EPB41L3: variants seen among roughly 807,000 people sequenced by gnomAD.
EPB41L3 encodes the protein erythrocyte membrane protein band 4.1 like 3.
A neutral mutation model predicts 127.1 loss-of-function variants in EPB41L3; 57 were observed. The observed-to-expected ratio is 0.45, with a 90% CI of 0.36 to 0.56. The LOEUF (loss-of-function observed/expected upper bound fraction) is 0.56. EPB41L3 is among the 20% of genes least tolerant of loss of function. The probability of loss-of-function intolerance (pLI) is 0.00; values close to 1 mark genes in which losing one functional copy is unlikely to be tolerated. For missense variants in EPB41L3, 1,273 were observed against 1,372.2 expected (o/e 0.93, Z 1.14); for synonymous variants, 572 against 549.5 (o/e 1.04, Z -0.57).
intron 3 of EPB41L3, among the ~76,000 whole-genome samples, chr18:5,475,731 T>C (rs568307832): frequency 4.9e-4 from 75 of 152,362 alleles, no homozygotes; most frequent in African/African-American, 1.7e-3. Flanking sequence ...AAATGTTAGC[T>C]TTCCTGCTTT....
intron 3 of EPB41L3, chr18:5,610,293 T>C (rs1481039611): frequency 1.0e-6 from 1 of 985,262 alleles, no homozygotes; most frequent in Non-Finnish European, 1.2e-6. Context: ...GATGCTACCT[T>C]ATCCCATTCT....
intron 2 of EPB41L3, among the ~76,000 whole-genome samples, chr18:5,482,781 G>T (rs1305283367): frequency 6.6e-6 from 1 of 152,044 alleles, no homozygotes; most frequent in Non-Finnish European, 1.5e-5. Context: ...ATATAAAGGA[G>T]AGATCAAATC....
At chr18:5,454,212 T>G (rs1181098685) in intron 3 of EPB41L3, among the ~76,000 whole-genome samples, 3 of 149,852 alleles carry the variant, frequency 2.0e-5, no homozygotes, top group Non-Finnish European at 4.5e-5. Context: ...TTTCCTTGTT[T>G]TTTTTTTTTT....
intron 3 of EPB41L3, among the ~76,000 whole-genome samples, chr18:5,585,816 G>C (rs2094436923): frequency 6.6e-6 from 1 of 152,102 alleles, no homozygotes; most frequent in Admixed American, 6.5e-5. Flanking sequence ...TAAAGAATTA[G>C]CCTGAGAAGC....
intron 1 of EPB41L3, among the ~76,000 whole-genome samples, chr18:5,509,227 A>G (rs554760187): frequency 6.6e-6 from 1 of 152,348 alleles, no homozygotes; most frequent in African/African-American, 2.4e-5. Context: ...CCCCCATGGC[A>G]GAGGAGGGCT....
At chr18:5,552,479 C>T (rs547854484) in intron 3 of EPB41L3, among the ~76,000 whole-genome samples, 11 of 152,284 alleles carry the variant, frequency 7.2e-5, no homozygotes, top group Middle Eastern at 3.4e-3. Flanking sequence ...CCAGCAGGTA[C>T]TTTTTGATGA....
intron 3 of EPB41L3, among the ~76,000 whole-genome samples, chr18:5,461,096 C>T (rs572443137): frequency 5.9e-5 from 9 of 152,222 alleles, no homozygotes; most frequent in South Asian, 2.1e-4. Context: ...TAAGTCGTGA[C>T]GTCTGGGCAG....
At chr18:5,462,290 C>T (rs2084146972) in intron 3 of EPB41L3, among the ~76,000 whole-genome samples, 1 of 152,080 alleles carries the variant, frequency 6.6e-6, no homozygotes, top group Non-Finnish European at 1.5e-5. Flanking sequence ...AGCTGAAATT[C>T]TAATGTATGA....
At chr18:5,586,847 CAGG>C (rs2143413466) in intron 3 of EPB41L3, among the ~76,000 whole-genome samples, 1 of 152,206 alleles carries the variant, frequency 6.6e-6, no homozygotes, top group South Asian at 2.1e-4. Context: ...CATTTACAGG[CAGG>C]TGTTGGAAAA....
At chr18:5,480,272 A>AT (rs1450815740) in intron 2 of EPB41L3, 1 of 152,186 alleles carries the variant, frequency 6.6e-6, no homozygotes. Flanking sequence ...CCTTACATAC[A>AT]TTTTTTAAAA....
At position 5,469,494 on chromosome 18, in the gene EPB41L3, C is replaced by T. The variant is rs559751101; in HGVS notation, c.381+8747G>A. 1.1e-4 allele frequency among the ~76,000 whole-genome samples: 17 copies of T among 152,318 alleles called. 1 individual carries two copies. In the South Asian group the frequency reaches 3.5e-3, roughly 32 times the overall value. Reference sequence around the variant, plus strand: ...GGCTGTGTGTAGTGGCTGGACCCCGCACTTGCTTGCTCATGCACCGATCAT... The same window carrying T: ...GGCTGTGTGTAGTGGCTGGACCCCGTACTTGCTTGCTCATGCACCGATCAT... On this transcript the variant is annotated intron_variant, in intron 3 of 22. Transcript: ENST00000341928.
chr18:5,505,456 C>G (rs73379594), intron 1 of EPB41L3, among the ~76,000 whole-genome samples: 7,855 of 151,946 alleles, frequency 0.052, 501 homozygotes, highest in African/African-American at 0.15. Flanking sequence ...ACCTAAACCC[C>G]TGCCTCCCCA....
At chr18:5,404,977 T>C (rs546854031) in intron 16 of EPB41L3, among the ~76,000 whole-genome samples, 7 of 152,344 alleles carry the variant, frequency 4.6e-5, no homozygotes, top group African/African-American at 1.4e-4. Flanking sequence ...TGAAACTCAG[T>C]AGTTTGAATG....
chr18:5,501,757 T>C (rs912528198), intron 1 of EPB41L3, among the ~76,000 whole-genome samples: 9 of 152,144 alleles, frequency 5.9e-5, no homozygotes, highest in African/African-American at 2.2e-4. Flanking sequence ...GCCAAGTGTT[T>C]AATTATTCTG....
intron 1 of EPB41L3, among the ~76,000 whole-genome samples, chr18:5,615,069 A>G (rs765215090): frequency 2.6e-5 from 4 of 152,214 alleles, no homozygotes; most frequent in Non-Finnish European, 4.4e-5. Context: ...GAAGCAACCA[A>G]TAAGGTGTTA....
chr18:5,599,353 G>A (rs201820701), intron 3 of EPB41L3, among the ~76,000 whole-genome samples: 1 of 152,130 alleles, frequency 6.6e-6, no homozygotes, highest in Admixed American at 6.6e-5. Context: ...TTAAGGAAAC[G>A]TCTCAATTCT....
intron 3 of EPB41L3, chr18:5,612,222 A>G (rs2094735194): frequency 6.6e-6 from 1 of 152,246 alleles, no homozygotes; most frequent in African/African-American, 2.4e-5. Context: ...TGCAATTTGT[A>G]ATAGAATAAA....
intron 3 of EPB41L3, among the ~76,000 whole-genome samples, chr18:5,454,292 G>A (rs1455051060): frequency 6.6e-6 from 1 of 150,600 alleles, no homozygotes; most frequent in Admixed American, 6.6e-5. Flanking sequence ...GATGGTGTCT[G>A]GTCTGGGACA....
intron 1 of EPB41L3, among the ~76,000 whole-genome samples, chr18:5,538,994 G>GTTTTTTTTTTTTTTTTTTTTTTTTTT (rs1568535153): frequency 7.8e-6 from 1 of 128,628 alleles, no homozygotes. Context: ...CTTTCTCCAA[G>GTTTTTTTTTTTTTTTTTTTTTTTTTT]ATTTTTTTTT....
Sources: gnomAD v4.1 joint callset for allele counts (sites outside exome capture counted in the v4.1 genomes callset) on GRCh38, gnomAD v4.1.1 for gene constraint, MANE v1.5 for transcripts, NCBI Gene and HGNC (gene_info 2026-07-23, HGNC 2026-07-21) for gene names.